POLN: variants seen among roughly 807,000 people sequenced by gnomAD.
POLN encodes the protein DNA polymerase N.
Under a neutral mutation model 113.5 loss-of-function variants are expected in POLN, and 108 were observed. That is an observed-to-expected ratio of 0.95 (90% CI 0.81 to 1.12). The LOEUF is 1.12. POLN is among the 50% of genes most tolerant of loss of function. The probability of loss-of-function intolerance (pLI) is 0.00; values close to 1 mark genes in which losing one functional copy is unlikely to be tolerated. For synonymous variants in POLN, 386 were observed against 391.5 expected, an observed-to-expected ratio of 0.99 and a Z score of 0.17; for missense variants, 1,097 against 1,077.1, an observed-to-expected ratio of 1.02 and a Z score of -0.26.
At chr4:2,195,921 C>T (rs1344121593) in intron 6 of POLN, among the ~76,000 whole-genome samples, 1 of 152,036 alleles carries the variant, frequency 6.6e-6, no homozygotes, top group Admixed American at 6.5e-5. Flanking sequence ...TTTAGATGAT[C>T]CTAATCAATG....
chr4:2,117,015 T>C (rs1470500194), intron 19 of POLN, among the ~76,000 whole-genome samples: 2 of 152,240 alleles, frequency 1.3e-5, no homozygotes, highest in Non-Finnish European at 2.9e-5. Flanking sequence ...GCCTAAGTTA[T>C]GCTCAAAGGC....
chr4:2,114,158 G>A (rs1355576146), intron 19 of POLN, among the ~76,000 whole-genome samples: 1 of 151,852 alleles, frequency 6.6e-6, no homozygotes, highest in Admixed American at 6.6e-5. Context: ...CTTAGCCTCT[G>A]AAAGTGCTGG....
chr4:2,078,565 C>G, intron 23 of POLN: 1 of 984,682 alleles, frequency 1.0e-6, no homozygotes, highest in African/African-American at 1.8e-5. Context: ...CACCGTGTGC[C>G]TCCCAGTGAT....
chr4:2,238,703 A>C lies in POLN; in HGVS notation c.-13+2817T>G, dbSNP rs565736517. ...CATTTCTAATTGCTTGTAGAGCATC[A>C]TGTTACTTTGACTAAGTTCTTGAAC... is the stretch of plus-strand genomic sequence containing the variant. On this transcript the variant is annotated intron_variant, in intron 2 of 25. Transcript: ENST00000511885. 2.4e-5 allele frequency: 39 copies of C among 1,613,100 alleles called. No individual in the cohort carries two copies. Among genetic ancestry groups the C allele is most frequent in the Non-Finnish European group, 3.2e-5 (38 of 1,179,280 alleles).
chr4:2,095,138 G>C (rs372615125), intron 20 of POLN, among the ~76,000 whole-genome samples: 1 of 151,904 alleles, frequency 6.6e-6, no homozygotes, highest in Admixed American at 6.6e-5. Context: ...GTAGAAGAAG[G>C]GTGAGTGGAA....
At chr4:2,194,654 C>T (rs957469845) in intron 6 of POLN, among the ~76,000 whole-genome samples, 3 of 152,172 alleles carry the variant, frequency 2.0e-5, no homozygotes, top group Non-Finnish European at 2.9e-5. Flanking sequence ...CTACCAACTA[C>T]ACTATCTTCC....
At chr4:2,198,267 G>A (rs966441070) in intron 6 of POLN, among the ~76,000 whole-genome samples, 1 of 152,160 alleles carries the variant, frequency 6.6e-6, no homozygotes, top group African/African-American at 2.4e-5. Context: ...TTTCTCCCTA[G>A]CTTCTCACTG....
intron 7 of POLN, among the ~76,000 whole-genome samples, chr4:2,187,910 A>T (rs184540184): frequency 6.6e-6 from 1 of 152,302 alleles, no homozygotes; most frequent in African/African-American, 2.4e-5. Flanking sequence ...TAGGAGTTCA[A>T]CAGCAGCCAG....
chr4:2,135,837 C>T (rs1382464019), intron 16 of POLN, among the ~76,000 whole-genome samples: 13 of 152,216 alleles, frequency 8.5e-5, no homozygotes, highest in Non-Finnish European at 1.5e-4. Context: ...ACCAACACCA[C>T]GTGCTAGCAC....
At position 2,093,334 on chromosome 4, in the gene POLN, A is replaced by T. The variant is rs1730710032; in HGVS notation, c.2065+2517T>A. 6.6e-6 allele frequency among the ~76,000 whole-genome samples: 1 copy of T among 152,258 alleles called. No homozygotes were observed. The highest frequency in any genetic ancestry group is 1.5e-5 in the Non-Finnish European group (1 of 68,042). On this transcript the variant is annotated intron_variant, in intron 20 of 25. Transcript: ENST00000511885. The surrounding 1 kb of genome is among the most constrained non-coding windows in gnomAD (Gnocchi z 4.1). ...AGAAGCTGCTCAGTCACTTGGAGGC[A>T]TTTACTGACATGGCACAGAAGTGAA...
intron 20 of POLN, among the ~76,000 whole-genome samples, chr4:2,094,372 A>AAAAAAAAAAAG (rs1553893365): frequency 6.7e-6 from 1 of 149,660 alleles, no homozygotes; most frequent in African/African-American, 2.5e-5. Flanking sequence ...CCAAAAAAAA[A>AAAAAAAAAAAG]AAAGAAAGAA....
At chr4:2,170,099 A>G (rs1732822648) in intron 13 of POLN, among the ~76,000 whole-genome samples, 1 of 152,238 alleles carries the variant, frequency 6.6e-6, no homozygotes, top group Non-Finnish European at 1.5e-5. Context: ...AGAAAGCACA[A>G]ACTGGAGCCT....
At chr4:2,166,335 C>T (rs763179928) in intron 13 of POLN, among the ~76,000 whole-genome samples, 4 of 152,184 alleles carry the variant, frequency 2.6e-5, no homozygotes, top group Non-Finnish European at 5.9e-5. Context: ...TCCTGATCTT[C>T]GAGCTTCAGC....
intron 19 of POLN, among the ~76,000 whole-genome samples, chr4:2,113,907 C>CT (rs560458106): frequency 4.2e-4 from 59 of 141,096 alleles, no homozygotes; most frequent in East Asian, 1.2e-3. Flanking sequence ...ATAATAATGT[C>CT]TTTTTTTTTT....
At chr4:2,099,666 C>G (rs1474785858) in intron 19 of POLN, among the ~76,000 whole-genome samples, 1 of 152,104 alleles carries the variant, frequency 6.6e-6, no homozygotes, top group Non-Finnish European at 1.5e-5. Context: ...AAATCCAAGT[C>G]ATGTGTGGAC....
At chr4:2,115,324 T>C (rs1393192461) in intron 19 of POLN, among the ~76,000 whole-genome samples, 1 of 151,500 alleles carries the variant, frequency 6.6e-6, no homozygotes, top group Admixed American at 6.6e-5. Context: ...TGCCTCAGCC[T>C]CCCAAAGTGT....
rs869279379 is a variant in POLN at position 2,121,434 on chromosome 4, CAAA to C, written c.1982+6676_1982+6678del. Among the ~76,000 whole-genome samples the C allele has an allele frequency of 4.7e-4, 65 of 139,438 alleles. 1 individual carries two copies. Among genetic ancestry groups the C allele is most frequent in the Middle Eastern group, 3.7e-3 (1 of 270 alleles). 91.5% of individuals were successfully genotyped at this position (139,438 alleles called of 152,430 possible). ...TGGGTGACAGAGCGAGACTCTGTCT[CAAA>C]AAAAAAAAAAAAAAAATATATATAT... On this transcript the variant is annotated intron_variant, in intron 19 of 25. Coordinates refer to ENST00000511885, the MANE Select transcript of POLN (RefSeq NM_181808.4).
chr4:2,136,002 T>G (rs1422234497), intron 16 of POLN, among the ~76,000 whole-genome samples: 1 of 152,198 alleles, frequency 6.6e-6, no homozygotes, highest in Non-Finnish European at 1.5e-5. Context: ...TTTCTGCAGG[T>G]GAAAGCCTCA....
At chr4:2,120,240 C>T (rs1731407615) in intron 19 of POLN, among the ~76,000 whole-genome samples, 1 of 152,120 alleles carries the variant, frequency 6.6e-6, no homozygotes, top group African/African-American at 2.4e-5. Context: ...AAGCCCTGTG[C>T]CTTTTCATAT....
Sources: gnomAD v4.1 joint callset for allele counts (sites outside exome capture counted in the v4.1 genomes callset) on GRCh38, gnomAD v4.1.1 for gene constraint, Gnocchi (gnomAD v3.1) non-coding constraint, MANE v1.5 for transcripts, NCBI Gene and HGNC (gene_info 2026-07-23, HGNC 2026-07-21) for gene names.